Variants in PCDHGB1 observed in about 807,000 individuals in gnomAD.
The protein encoded by PCDHGB1 is protocadherin gamma-B1.
Under a neutral mutation model 56.6 loss-of-function variants are expected in PCDHGB1, and 34 were observed. The ratio of observed to expected loss-of-function variants is 0.60; its 90% CI spans 0.46 to 0.80. The LOEUF (loss-of-function observed/expected upper bound fraction) is 0.80. Among genes scored for constraint, PCDHGB1 ranks in the 30% least tolerant of loss-of-function variants. The pLI is 0.00. For synonymous variants in PCDHGB1, 561 were observed against 505.9 expected (o/e 1.11, Z -1.46); for missense variants, 1,278 against 1,204.6 (o/e 1.06, Z -0.90).
chr5:141,384,102 T>C, intron 1 of PCDHGB1: 1 of 1,599,484 alleles, frequency 6.3e-7, no homozygotes, highest in Non-Finnish European at 8.5e-7. Context: ...TAGATAATTA[T>C]TATAGATTGG....
At chr5:141,354,777 A>G (rs1293865726) in intron 1 of PCDHGB1, among the ~76,000 whole-genome samples, 1 of 152,250 alleles carries the variant, frequency 6.6e-6, no homozygotes, top group African/African-American at 2.4e-5. Context: ...AAAAATCGTC[A>G]TATTTTCTCT....
At chr5:141,467,060 T>C (rs1304506319) in intron 1 of PCDHGB1, among the ~76,000 whole-genome samples, 1 of 151,520 alleles carries the variant, frequency 6.6e-6, no homozygotes, top group Non-Finnish European at 1.5e-5. Context: ...GTTTTCTTTT[T>C]TTTTTTTTTT....
At chr5:141,427,416 G>T (rs1457696807) in intron 1 of PCDHGB1, 2 of 466,124 alleles carry the variant, frequency 4.3e-6, no homozygotes, top group South Asian at 3.1e-5. Flanking sequence ...GAGAGAAAAT[G>T]GGGAGGTTAC....
At chr5:141,370,996 A>G (rs1767388382) in intron 1 of PCDHGB1, 2 of 1,613,886 alleles carry the variant, frequency 1.2e-6, no homozygotes, top group African/African-American at 2.7e-5. Flanking sequence ...GCACCCCTGG[A>G]CAGGGAAGAG....
intron 1 of PCDHGB1, among the ~76,000 whole-genome samples, chr5:141,479,060 T>G (rs980468382): frequency 5.9e-5 from 9 of 152,248 alleles, no homozygotes; most frequent in Non-Finnish European, 1.3e-4. Context: ...CAGATAATTT[T>G]TTATGAATGA....
chr5:141,419,769 C>G (rs773303779), intron 1 of PCDHGB1: 3 of 1,613,888 alleles, frequency 1.9e-6, no homozygotes, highest in Non-Finnish European at 2.5e-6. Context: ...GACAAGGACT[C>G]GGTCCGCCAG....
chr5:141,436,973 T>C (rs1209787552), intron 1 of PCDHGB1, among the ~76,000 whole-genome samples: 1 of 152,234 alleles, frequency 6.6e-6, no homozygotes, highest in Non-Finnish European at 1.5e-5. Context: ...TTGTGAAACT[T>C]ATTTTAAAGA....
At chr5:141,435,593 G>A (rs183768133) in intron 1 of PCDHGB1, among the ~76,000 whole-genome samples, 9 of 152,112 alleles carry the variant, frequency 5.9e-5, no homozygotes, top group Admixed American at 2.6e-4. Flanking sequence ...CAGTAATATC[G>A]CCTGCTTTTT....
intron 1 of PCDHGB1, among the ~76,000 whole-genome samples, chr5:141,445,711 G>A (rs978623618): frequency 1.3e-5 from 2 of 152,202 alleles, no homozygotes; most frequent in African/African-American, 4.8e-5. Context: ...TTGTCAGGCA[G>A]AGGAAATAGC....
chr5:141,360,237 C>A, intron 1 of PCDHGB1: 1 of 1,613,902 alleles, frequency 6.2e-7, no homozygotes, highest in Non-Finnish European at 8.5e-7. Flanking sequence ...TCCAGATCCG[C>A]TATTCAATTC....
chr5:141,487,455 A>G lies in PCDHGB1; in HGVS notation c.2410-7352A>G, dbSNP rs751456631. 6.2e-7 allele frequency: 1 copy of G among 1,614,122 alleles called. No individual in the cohort carries two copies. The highest frequency in any genetic ancestry group is 8.5e-7 in the Non-Finnish European group (1 of 1,180,032). On this transcript the variant is annotated intron_variant, in intron 1 of 3. Coordinates refer to ENST00000523390, the MANE Select transcript of PCDHGB1 (RefSeq NM_018922.3). The surrounding 1 kb of genome is among the most constrained non-coding windows in gnomAD (Gnocchi z 5.0). ...CAGCTAGGGTCAGATGACCCTATCA[A>G]GTTTGTTGATGTGGGAGGCCACTCT...
intron 3 of PCDHGB1, among the ~76,000 whole-genome samples, chr5:141,508,761 C>G (rs943236216): frequency 6.6e-6 from 1 of 151,974 alleles, no homozygotes; most frequent in Admixed American, 6.6e-5. Context: ...TCTGGCGCCT[C>G]TGAGGTCCCC....
intron 1 of PCDHGB1, chr5:141,382,773 T>C: frequency 1.3e-6 from 1 of 782,328 alleles, no homozygotes; most frequent in Non-Finnish European, 2.0e-6. Context: ...CAGGCTGCAC[T>C]AAACTCAAGC....
chr5:141,403,120 C>T, intron 1 of PCDHGB1: 2 of 1,614,050 alleles, frequency 1.2e-6, no homozygotes, highest in Non-Finnish European at 1.7e-6. Flanking sequence ...CTCTGGAGCC[C>T]CGGGAGCTGG....
At chr5:141,356,830 A>G (rs372665834) in intron 1 of PCDHGB1, 46 of 1,614,038 alleles carry the variant, frequency 2.8e-5, no homozygotes, top group Non-Finnish European at 3.8e-5. Flanking sequence ...TCCACTCAGC[A>G]GCAATGTGTC....
chr5:141,410,066 C>G, intron 1 of PCDHGB1: 1 of 1,612,912 alleles, frequency 6.2e-7, no homozygotes, highest in Non-Finnish European at 8.5e-7. Context: ...CCTGGGGCTG[C>G]GCACTGGGGA....
At chr5:141,383,248 T>A in intron 1 of PCDHGB1, 1 of 1,613,948 alleles carries the variant, frequency 6.2e-7, no homozygotes. Context: ...AATGAATCTT[T>A]ACCCTATAGA....
chr5:141,426,614 G>T (rs1468159807), intron 1 of PCDHGB1: 25 of 385,508 alleles, frequency 6.5e-5, no homozygotes, highest in Non-Finnish European at 1.3e-4. Context: ...TTGTAGCAGA[G>T]AATCCTCTAA....
Position 141,468,837 on chromosome 5 carries a change from G to A in PCDHGB1, c.2410-25970G>A, listed in dbSNP as rs550455857. ...GCCAAGATCAAGCCACTGCACTCCA[G>A]CCTGGGCAACAGAGCGAGACTCCAT... On this transcript the variant is annotated intron_variant, in intron 1 of 3. Transcript: ENST00000523390. 3.3e-5 allele frequency among the ~76,000 whole-genome samples: 5 copies of A among 152,228 alleles called. No homozygotes were observed. The East Asian group carries it at 9.7e-4, about 29-fold the overall frequency.
Sources: allele counts gnomAD v4.1 joint callset (sites outside exome capture counted in the v4.1 genomes callset), GRCh38; gene constraint gnomAD v4.1.1; non-coding constraint Gnocchi (gnomAD v3.1); transcripts MANE v1.5; gene names NCBI Gene and HGNC (gene_info 2026-07-23, HGNC 2026-07-21).